LRRTM4: variants seen among roughly 807,000 people sequenced by gnomAD.
The protein encoded by LRRTM4 is leucine rich repeat transmembrane neuronal 4, also known as leucine-rich repeat transmembrane neuronal protein 4.
Under a neutral mutation model 47.6 loss-of-function variants are expected in LRRTM4, and 25 were observed. That is an observed-to-expected ratio of 0.53 (90% confidence interval 0.38 to 0.73). The LOEUF (loss-of-function observed/expected upper bound fraction) is 0.73, where lower values mean the gene tolerates loss of function less well. LRRTM4 is among the 30% of genes least tolerant of loss of function. The pLI, the probability that LRRTM4 is intolerant of heterozygous loss-of-function variation, is 0.00. For synonymous variants in LRRTM4, 311 were observed against 269.5 expected (o/e 1.15, Z -1.51); for missense variants, 638 against 713.4 (o/e 0.89, Z 1.20).
At chr2:76,840,828 G>T (rs1027010010) in intron 3 of LRRTM4, among the ~76,000 whole-genome samples, 1 of 152,068 alleles carries the variant, frequency 6.6e-6, no homozygotes, top group Non-Finnish European at 1.5e-5. Context: ...CTGTTGGTGG[G>T]ACTGTAAACT....
intron 3 of LRRTM4, among the ~76,000 whole-genome samples, chr2:77,345,187 A>G (rs1459438372): frequency 6.6e-6 from 1 of 151,730 alleles, no homozygotes; most frequent in Non-Finnish European, 1.5e-5. Context: ...ATAAAACAAT[A>G]AAATGGCAGA....
At chr2:77,136,659 C>T (rs1296247066) in intron 3 of LRRTM4, among the ~76,000 whole-genome samples, 1 of 152,144 alleles carries the variant, frequency 6.6e-6, no homozygotes, top group Admixed American at 6.5e-5. Flanking sequence ...AAGAAGCCTT[C>T]AGAGGATCAA....
intron 3 of LRRTM4, among the ~76,000 whole-genome samples, chr2:77,220,513 A>G (rs1674588034): frequency 6.6e-6 from 1 of 152,172 alleles, no homozygotes; most frequent in African/African-American, 2.4e-5. Flanking sequence ...TCCTTAAAGG[A>G]CCTGTTGGAG....
intron 3 of LRRTM4, among the ~76,000 whole-genome samples, chr2:77,261,509 T>C (rs1217742237): frequency 6.6e-6 from 1 of 152,116 alleles, no homozygotes; most frequent in African/African-American, 2.4e-5. Context: ...ATTCCCCTAG[T>C]GTCTCAAACT....
intron 3 of LRRTM4, among the ~76,000 whole-genome samples, chr2:77,246,714 A>T (rs906551631): frequency 6.6e-6 from 1 of 152,086 alleles, no homozygotes; most frequent in Non-Finnish European, 1.5e-5. Flanking sequence ...ATCAAATGTC[A>T]TAATCAATGT....
At chr2:76,872,516 A>C (rs774912001) in intron 3 of LRRTM4, among the ~76,000 whole-genome samples, 1 of 151,832 alleles carries the variant, frequency 6.6e-6, no homozygotes, top group Non-Finnish European at 1.5e-5. Flanking sequence ...AAAACCATAC[A>C]TGGGTTCTGC....
At chr2:77,371,771 C>T (rs1389512778) in intron 3 of LRRTM4, among the ~76,000 whole-genome samples, 1 of 151,626 alleles carries the variant, frequency 6.6e-6, no homozygotes, top group Admixed American at 6.6e-5. Context: ...ATCCTAATGA[C>T]CTTCCTTGGC....
intron 3 of LRRTM4, among the ~76,000 whole-genome samples, chr2:76,779,953 C>A (rs534074418): frequency 2.6e-5 from 4 of 151,960 alleles, no homozygotes; most frequent in Admixed American, 2.0e-4. Context: ...GTAAGGCAGG[C>A]CTGGTGGTGA....
At chr2:77,275,536 G>A (rs561446319) in intron 3 of LRRTM4, among the ~76,000 whole-genome samples, 9 of 152,156 alleles carry the variant, frequency 5.9e-5, no homozygotes, top group South Asian at 2.1e-4. Context: ...ATAAAATTAC[G>A]AGCATACAAA....
At chr2:77,037,124 C>T (rs958633214) in intron 3 of LRRTM4, among the ~76,000 whole-genome samples, 1 of 151,740 alleles carries the variant, frequency 6.6e-6, no homozygotes, top group African/African-American at 2.4e-5. Flanking sequence ...CGGGGTTCCA[C>T]TGCTAGGCTG....
At chr2:77,450,020 C>T (rs910831959) in intron 3 of LRRTM4, among the ~76,000 whole-genome samples, 23 of 152,100 alleles carry the variant, frequency 1.5e-4, no homozygotes, top group Admixed American at 1.1e-3. Context: ...AAACACTTGG[C>T]TTATTTAGTG....
intron 3 of LRRTM4, among the ~76,000 whole-genome samples, chr2:76,930,322 GTGTGCACGCATGCGTGCAC>G: frequency 6.6e-6 from 1 of 152,090 alleles, no homozygotes; most frequent in East Asian, 1.9e-4. Context: ...GCTCAGGTGC[GTGTGCACGCATGCGTGCAC>G]ACACACACAC....
intron 3 of LRRTM4, among the ~76,000 whole-genome samples, chr2:76,921,381 G>A (rs1042918900): frequency 1.3e-5 from 2 of 152,012 alleles, no homozygotes; most frequent in Non-Finnish European, 2.9e-5. Flanking sequence ...ATTGCTAATG[G>A]TGTTAATAGT....
At chr2:77,389,616 C>T (rs1380494472) in intron 3 of LRRTM4, among the ~76,000 whole-genome samples, 1 of 152,038 alleles carries the variant, frequency 6.6e-6, no homozygotes, top group East Asian at 1.9e-4. Flanking sequence ...TATTTCCTGG[C>T]TGATTATCTC....
intron 3 of LRRTM4, among the ~76,000 whole-genome samples, chr2:77,036,691 G>C (rs529274331): frequency 4.0e-5 from 6 of 151,790 alleles, no homozygotes; most frequent in African/African-American, 9.6e-5. Flanking sequence ...CTTTCAAAGA[G>C]TACCTATTTT....
chr2:77,143,212 A>C (rs1672172169), intron 3 of LRRTM4, among the ~76,000 whole-genome samples: 2 of 152,194 alleles, frequency 1.3e-5, no homozygotes, highest in Non-Finnish European at 2.9e-5. Flanking sequence ...AAAGATCCAG[A>C]ATTCATATCC....
intron 3 of LRRTM4, among the ~76,000 whole-genome samples, chr2:76,767,493 T>A (rs1444398602): frequency 2.0e-5 from 3 of 152,152 alleles, no homozygotes; most frequent in Non-Finnish European, 4.4e-5. Flanking sequence ...ATACTGAAAG[T>A]GGTTCTTAAG....
intron 3 of LRRTM4, among the ~76,000 whole-genome samples, chr2:77,053,474 T>C (rs901187729): frequency 3.9e-5 from 6 of 152,076 alleles, no homozygotes; most frequent in African/African-American, 1.4e-4. Flanking sequence ...AGAAAGACAA[T>C]TGTAGGCCTA....
At chr2:77,094,209 A>T (rs1670744213) in intron 3 of LRRTM4, among the ~76,000 whole-genome samples, 3 of 152,360 alleles carry the variant, frequency 2.0e-5, no homozygotes, top group South Asian at 2.1e-4. Context: ...TAAAATACAT[A>T]GGAGTAAATT....
Sources: gnomAD v4.1 joint callset for allele counts (sites outside exome capture counted in the v4.1 genomes callset) on GRCh38, gnomAD v4.1.1 for gene constraint, MANE v1.5 for transcripts, NCBI Gene and HGNC (gene_info 2026-07-23, HGNC 2026-07-21) for gene names.